The following CDH4 variants were observed in gnomAD, a reference collection of about 807,000 sequenced individuals.
The protein encoded by CDH4 is cadherin 4, also known as cadherin-4.
CDH4 carries 33 observed loss-of-function variants against 86.0 expected under a neutral mutation model. The ratio of observed to expected loss-of-function variants is 0.38; its 90% CI spans 0.29 to 0.51. The LOEUF is 0.51. Among genes scored for constraint, CDH4 ranks in the 20% least tolerant of loss-of-function variants. The pLI, the probability that CDH4 is intolerant of heterozygous loss-of-function variation, is 0.86. For synonymous variants in CDH4, 555 were observed against 549.4 expected (o/e 1.01, Z -0.14); for missense variants, 1,114 against 1,307.4 (o/e 0.85, Z 2.28).
chr20:61,884,588 TCCATGCTCAGCCCCTCCCCACC>T (rs1984450532), intron 7 of CDH4, among the ~76,000 whole-genome samples: 5 of 151,910 alleles, frequency 3.3e-5, no homozygotes, highest in Admixed American at 3.3e-4. Context: ...AGCGAGGGGC[TCCATGCTCAGCCCCTCCCCACC>T]CCAGGCGAGG....
intron 2 of CDH4, among the ~76,000 whole-genome samples, chr20:61,262,513 G>T (rs749057955): frequency 6.6e-6 from 1 of 152,184 alleles, no homozygotes; most frequent in South Asian, 2.1e-4. Flanking sequence ...CTGGGTTGGT[G>T]TAAGCTTCCA....
intron 4 of CDH4, among the ~76,000 whole-genome samples, chr20:61,843,307 G>A (rs1362688747): frequency 4.0e-5 from 6 of 151,280 alleles, no homozygotes; most frequent in African/African-American, 7.3e-5. Flanking sequence ...AAAATTAGCC[G>A]GGCGCGGTGG....
At chr20:61,494,552 T>A (rs1040720633) in intron 2 of CDH4, among the ~76,000 whole-genome samples, 2 of 152,234 alleles carry the variant, frequency 1.3e-5, no homozygotes, top group Non-Finnish European at 2.9e-5. Flanking sequence ...AGAGCGATGT[T>A]TAGCACCAGG....
At chr20:61,522,386 G>A (rs2085876214) in intron 2 of CDH4, among the ~76,000 whole-genome samples, 1 of 152,208 alleles carries the variant, frequency 6.6e-6, no homozygotes, top group Admixed American at 6.5e-5. Flanking sequence ...ATGAGGAATA[G>A]CCACTCGTGA....
At chr20:61,893,604 G>C (rs1469536456) in intron 7 of CDH4, among the ~76,000 whole-genome samples, 1 of 150,876 alleles carries the variant, frequency 6.6e-6, no homozygotes, top group African/African-American at 2.4e-5. Context: ...TGGGTGTGGG[G>C]CAGATAGAGG....
Position 61,500,660 on chromosome 20 carries a change from TAAG to T in CDH4, c.170-242899_170-242897del, listed in dbSNP as rs532717073. The stretch of plus-strand genomic sequence containing the variant: ...GAGAGGCACAGACACCTGCGTATCA[TAAG>T]AAGGTAGGGCTGTGTGACTGATGGG... On this transcript the variant is annotated intron_variant, in intron 2 of 15. Coordinates refer to ENST00000614565, the MANE Select transcript of CDH4 (RefSeq NM_001794.5). Among the ~76,000 whole-genome samples the T allele has an allele frequency of 1.8e-3, 274 of 152,344 alleles. 1 individual carries two copies. Among genetic ancestry groups the T allele is most frequent in the Admixed American group, 3.2e-3 (49 of 15,300 alleles).
intron 5 of CDH4, among the ~76,000 whole-genome samples, chr20:61,851,274 T>C (rs1982714379): frequency 6.6e-6 from 1 of 152,176 alleles, no homozygotes; most frequent in Non-Finnish European, 1.5e-5. Context: ...ATTGCCTCTT[T>C]GGGTAAAGCC....
Position 61,934,119 on chromosome 20 carries a change from G to T in CDH4, c.2443G>T (p.Gly815Cys). Residue 815 changes from glycine (G) to cysteine (C), a missense_variant, in exon 15 of 16, where the codon GGC (glycine) becomes TGC (cysteine). Around this residue, in one of 3 missense-constraint regions of CDH4, gnomAD observed 188 missense variants for 183.8 expected, o/e 1.02. Transcript: ENST00000614565. ...GGGGCACGTGCCAAGCAAAGCCCCTGGCGTGCGTCGCGTGGATGAGCGGCC... is the reference window on the plus strand; with the variant it reads ...GGGGCACGTGCCAAGCAAAGCCCCTTGCGTGCGTCGCGTGGATGAGCGGCC... ...AMGHVPSKAP[G>C]VRRVDERPVG... 6.2e-7 allele frequency: 1 copy of T among 1,611,440 alleles called. No homozygotes were observed.
intron 2 of CDH4, among the ~76,000 whole-genome samples, chr20:61,321,962 A>G (rs1323083212): frequency 6.6e-6 from 1 of 151,704 alleles, no homozygotes; most frequent in Non-Finnish European, 1.5e-5. Context: ...TAATATAACA[A>G]GGAGCTGCAT....
At chr20:61,306,108 G>C (rs935010929) in intron 2 of CDH4, among the ~76,000 whole-genome samples, 1 of 152,140 alleles carries the variant, frequency 6.6e-6, no homozygotes, top group Non-Finnish European at 1.5e-5. Flanking sequence ...AACTTTGAAG[G>C]CTTCTGTCCA....
At chr20:61,383,725 T>G (rs1395202609) in intron 2 of CDH4, among the ~76,000 whole-genome samples, 1 of 138,608 alleles carries the variant, frequency 7.2e-6, no homozygotes, top group African/African-American at 2.6e-5. Context: ...ATATGATATA[T>G]AAATATATGA....
At chr20:61,611,189 A>T (rs2086682700) in intron 2 of CDH4, among the ~76,000 whole-genome samples, 1 of 151,802 alleles carries the variant, frequency 6.6e-6, no homozygotes, top group Admixed American at 6.5e-5. Flanking sequence ...TTTCAGCCCC[A>T]GCCCCAGCCC....
chr20:61,308,887 T>C (rs2084430995), intron 2 of CDH4, among the ~76,000 whole-genome samples: 1 of 152,174 alleles, frequency 6.6e-6, no homozygotes. Context: ...GGCTGGGCTA[T>C]GGGAAGCAGA....
chr20:61,794,567 T>C (rs1979425277), intron 4 of CDH4, among the ~76,000 whole-genome samples: 1 of 152,216 alleles, frequency 6.6e-6, no homozygotes, highest in South Asian at 2.1e-4. Context: ...TCACAGGTGC[T>C]GGTTGGAAGT....
intron 2 of CDH4, among the ~76,000 whole-genome samples, chr20:61,620,913 T>G (rs905810653): frequency 6.6e-6 from 1 of 152,256 alleles, no homozygotes; most frequent in Non-Finnish European, 1.5e-5. Context: ...CCCAGACTGC[T>G]GAGAGGCGCT....
At chr20:61,430,065 G>A (rs1166264454) in intron 2 of CDH4, among the ~76,000 whole-genome samples, 1 of 152,182 alleles carries the variant, frequency 6.6e-6, no homozygotes, top group Non-Finnish European at 1.5e-5. Context: ...CCATGGATCT[G>A]GACACCCTGA....
intron 4 of CDH4, among the ~76,000 whole-genome samples, chr20:61,831,281 G>A (rs1029802825): frequency 3.9e-5 from 6 of 152,226 alleles, no homozygotes; most frequent in Admixed American, 3.3e-4. Context: ...TCATGGTGAT[G>A]GGTCCTCGTG....
At chr20:61,553,648 TATC>T (rs759714460) in intron 2 of CDH4, among the ~76,000 whole-genome samples, 16 of 152,206 alleles carry the variant, frequency 1.1e-4, no homozygotes, top group Non-Finnish European at 2.2e-4. Flanking sequence ...GCAGCACAGA[TATC>T]ATCCCACCAT....
intron 2 of CDH4, among the ~76,000 whole-genome samples, chr20:61,669,533 C>T (rs530073600): frequency 6.6e-6 from 1 of 152,328 alleles, no homozygotes; most frequent in South Asian, 2.1e-4. Context: ...GCCTCAGCCC[C>T]TGTTTTCAAG....
Sources: gnomAD v4.1 joint callset for allele counts (sites outside exome capture counted in the v4.1 genomes callset) on GRCh38, gnomAD v4.1.1 for gene constraint, gnomAD v4.1.1 regional missense constraint, MANE v1.5 for transcripts, NCBI Gene and HGNC (gene_info 2026-07-23, HGNC 2026-07-21) for gene names.